The following TESK2 variants were observed in gnomAD, a reference collection of about 807,000 sequenced individuals.
The protein encoded by TESK2 is testis associated actin remodelling kinase 2, also known as dual specificity testis-specific protein kinase 2.
In TESK2, 39 loss-of-function variants were observed where a neutral mutation model predicts 57.1. The observed-to-expected ratio is 0.68, with a 90% CI of 0.53 to 0.89. TESK2 has a LOEUF of 0.89. Ranked by LOEUF, TESK2 falls within the 40% of genes least tolerant of loss-of-function variation. The pLI is 0.00. For synonymous variants in TESK2, 249 were observed against 267.9 expected, an observed-to-expected ratio of 0.93 and a Z score of 0.69; for missense variants, 646 against 732.1, an observed-to-expected ratio of 0.88 and a Z score of 1.36.
chr1:45,388,102 A>AT (rs1363835397), intron 3 of TESK2, among the ~76,000 whole-genome samples: 1 of 152,208 alleles, frequency 6.6e-6, no homozygotes, highest in Non-Finnish European at 1.5e-5. Flanking sequence ...AATCACTAGA[A>AT]TTTTGAGGGT....
intron 3 of TESK2, among the ~76,000 whole-genome samples, chr1:45,406,362 T>A (rs1434870476): frequency 6.6e-6 from 1 of 152,072 alleles, no homozygotes; most frequent in Non-Finnish European, 1.5e-5. Flanking sequence ...GAACTCAAAG[T>A]CTCCAGGGTG....
chr1:45,409,619 G>A (rs1258063783), intron 3 of TESK2, among the ~76,000 whole-genome samples: 2 of 152,186 alleles, frequency 1.3e-5, no homozygotes, highest in African/African-American at 4.8e-5. Context: ...GGGAAGACAA[G>A]AGATCAATTA....
rs1570713183 is a variant in TESK2, at chr1:45,421,639, C to T, written c.344+86G>A. On this transcript the variant is annotated intron_variant, in intron 3 of 10. Coordinates refer to ENST00000372086, the MANE Select transcript of TESK2 (RefSeq NM_007170.3). Reference sequence around the variant, plus strand: ...GATTCAGCATGATAAATCCTGAATCCCTCCTTTTTTTCCTATTAGTGCTAT... The same window carrying T: ...GATTCAGCATGATAAATCCTGAATCTCTCCTTTTTTTCCTATTAGTGCTAT... The T allele has an allele frequency of 2.6e-6, 4 of 1,550,114 alleles. No individual in the cohort carries two copies. In the East Asian group the frequency reaches 6.8e-5, roughly 26 times the overall value.
chr1:45,449,466 GC>G (rs909688742), intron 2 of TESK2, among the ~76,000 whole-genome samples: 1 of 151,470 alleles, frequency 6.6e-6, no homozygotes, highest in African/African-American at 2.5e-5. Flanking sequence ...CAATAGGTGA[GC>G]AGATAAGCTG....
intron 1 of TESK2, among the ~76,000 whole-genome samples, chr1:45,460,272 C>T (rs1168619881): frequency 6.6e-6 from 1 of 152,082 alleles, no homozygotes; most frequent in Non-Finnish European, 1.5e-5. Context: ...AATCCCAGCA[C>T]TTTGGGAGGC....
In TESK2 at chr1:45,485,412, C is replaced by T. The variant is rs188066571; in HGVS notation, c.-87+5440G>A. Among the ~76,000 whole-genome samples the T allele has an allele frequency of 3.4e-3, 517 of 152,156 alleles. 1 individual carries two copies. The highest frequency in any genetic ancestry group is 0.012 in the African/African-American group (479 of 41,552). On this transcript the variant is annotated intron_variant, in intron 1 of 10. Coordinates refer to ENST00000372086, the MANE Select transcript of TESK2 (RefSeq NM_007170.3). ...CCGTGTTAGTCAGGATGGTCTAGAT[C>T]TCCGGACCTCGTGATCCGCCCGCCT...
At chr1:45,423,029 G>A (rs941720189) in intron 2 of TESK2, among the ~76,000 whole-genome samples, 1 of 151,792 alleles carries the variant, frequency 6.6e-6, no homozygotes, top group African/African-American at 2.4e-5. Flanking sequence ...TGGCCTCCCA[G>A]CCACCGTGCC....
intron 1 of TESK2, among the ~76,000 whole-genome samples, chr1:45,469,323 A>G (rs55842419): frequency 3.3e-5 from 5 of 152,354 alleles, no homozygotes; most frequent in Non-Finnish European, 5.9e-5. Flanking sequence ...TCTGGAAATA[A>G]TAACTGCAGC....
At chr1:45,420,828 T>A (rs1570712389) in intron 3 of TESK2, among the ~76,000 whole-genome samples, 1 of 152,074 alleles carries the variant, frequency 6.6e-6, no homozygotes, top group South Asian at 2.1e-4. Context: ...GACCTCATGA[T>A]CCGCCTGCCT....
chr1:45,428,953 C>G (rs188113970), intron 2 of TESK2, among the ~76,000 whole-genome samples: 7 of 149,456 alleles, frequency 4.7e-5, no homozygotes, highest in Admixed American at 4.1e-4. Context: ...TCCCAAGTAT[C>G]TGGGACTACA....
chr1:45,384,608 T>TTTTTA (rs1648810895), intron 4 of TESK2, among the ~76,000 whole-genome samples: 1 of 130,314 alleles, frequency 7.7e-6, no homozygotes, highest in South Asian at 2.7e-4. Context: ...TTTTTTTTTT[T>TTTTTA]TTTTTTTTTT....
intron 4 of TESK2, among the ~76,000 whole-genome samples, chr1:45,380,350 C>T (rs554339545): frequency 1.3e-5 from 2 of 152,346 alleles, no homozygotes; most frequent in African/African-American, 2.4e-5. Flanking sequence ...CCCCAATCTT[C>T]TAGCCACTGA....
chr1:45,434,995 T>C (rs1459742316), intron 2 of TESK2, among the ~76,000 whole-genome samples: 5 of 150,746 alleles, frequency 3.3e-5, no homozygotes, highest in Non-Finnish European at 7.4e-5. Context: ...ACAAGGTCTC[T>C]CTCTCTTACC....
At chr1:45,409,796 GAAGA>G (rs1649972278) in intron 3 of TESK2, among the ~76,000 whole-genome samples, 1 of 152,152 alleles carries the variant, frequency 6.6e-6, no homozygotes, top group African/African-American at 2.4e-5. Flanking sequence ...GGTCTGGAAA[GAAGA>G]AAGGGAATGC....
intron 5 of TESK2, among the ~76,000 whole-genome samples, chr1:45,349,171 C>A (rs1279383950): frequency 4.0e-5 from 6 of 151,262 alleles, no homozygotes; most frequent in Non-Finnish European, 8.8e-5. Context: ...CTAAGACATG[C>A]CAAGTCACCT....
intron 5 of TESK2, among the ~76,000 whole-genome samples, chr1:45,352,922 C>T (rs184626433): frequency 6.1e-4 from 92 of 151,062 alleles, no homozygotes; most frequent in Non-Finnish European, 7.7e-4. Flanking sequence ...TTTTCCAAGA[C>T]GGAGTCTCGC....
chr1:45,414,789 T>A (rs1039024144), intron 3 of TESK2, among the ~76,000 whole-genome samples: 7 of 152,208 alleles, frequency 4.6e-5, no homozygotes, highest in African/African-American at 1.4e-4. Flanking sequence ...CTTGTTTGCA[T>A]TAGCAATATT....
intron 3 of TESK2, among the ~76,000 whole-genome samples, chr1:45,410,774 T>G (rs1449521915): frequency 6.7e-6 from 1 of 148,918 alleles, no homozygotes; most frequent in Non-Finnish European, 1.5e-5. Context: ...TATTTTTTAT[T>G]TTTTTTTTAA....
rs373423190 is a variant in TESK2, at chr1:45,345,697, G to A, written c.998-139C>T. ...ACCAATGAAGAAACAGACTCAGAGAGGGGAAGCAGTATGCCAAGCCACAGC... is the reference window on the plus strand; with the variant it reads ...ACCAATGAAGAAACAGACTCAGAGAAGGGAAGCAGTATGCCAAGCCACAGC... On this transcript the variant is annotated intron_variant, in intron 10 of 10. Coordinates refer to ENST00000372086, the MANE Select transcript of TESK2 (RefSeq NM_007170.3). The A allele has an allele frequency of 2.3e-4, 221 of 957,802 alleles. 1 individual carries two copies. In the African/African-American group the frequency reaches 3.3e-3, roughly 14 times the overall value. The allele number at this position is 957,802 out of a possible 1,614,324, so 59.3% of individuals were successfully genotyped here.
Sources: allele counts gnomAD v4.1 joint callset (sites outside exome capture counted in the v4.1 genomes callset), GRCh38; gene constraint gnomAD v4.1.1; transcripts MANE v1.5; gene names NCBI Gene and HGNC (gene_info 2026-07-23, HGNC 2026-07-21).